The following C10orf67 variants were observed in gnomAD, a reference collection of about 807,000 sequenced individuals.
C10orf67 encodes chromosome 10 open reading frame 67.
C10orf67 carries 60 observed loss-of-function variants against 35.6 expected under a neutral mutation model. The ratio of observed to expected loss-of-function variants is 1.68; its 90% CI spans 1.37 to 2.09. The LOEUF (loss-of-function observed/expected upper bound fraction) is 2.09, where lower values mean the gene tolerates loss of function less well. C10orf67 is among the 30% of genes most tolerant of loss of function. The probability of loss-of-function intolerance (pLI) is 0.00; values close to 1 mark genes in which losing one functional copy is unlikely to be tolerated. For synonymous variants in C10orf67, 167 were observed against 115.8 expected (o/e 1.44, Z -2.84); for missense variants, 474 against 330.2 (o/e 1.44, Z -3.38).
chr10:23,329,014 GAAAGAAAGAAAGAAAAAAAGA>G, intron 2 of C10orf67, among the ~76,000 whole-genome samples: 1 of 111,960 alleles, frequency 8.9e-6, no homozygotes, highest in Admixed American at 9.0e-5. Flanking sequence ...AAAAAAAAAA[GAAAGAAAGAAAGAAAAAAAGA>G]AAAGAAAGAA....
chr10:23,217,527 G>A (rs1422311597), intron 15 of C10orf67, among the ~76,000 whole-genome samples: 1 of 152,066 alleles, frequency 6.6e-6, no homozygotes, highest in Non-Finnish European at 1.5e-5. Flanking sequence ...TACCATAATG[G>A]CTTATGTGGT....
intron 12 of C10orf67, among the ~76,000 whole-genome samples, chr10:23,241,733 A>C (rs547402915): frequency 6.6e-6 from 1 of 152,316 alleles, no homozygotes; most frequent in South Asian, 2.1e-4. Flanking sequence ...GAAATAATAC[A>C]TGGAAAGATA....
At chr10:23,229,805 T>C (rs1317408743) in intron 13 of C10orf67, among the ~76,000 whole-genome samples, 1 of 152,134 alleles carries the variant, frequency 6.6e-6, no homozygotes, top group Admixed American at 6.6e-5. Context: ...AAGACTTCTA[T>C]AGAGTTATAA....
rs775469738 is a variant in C10orf67, at chr10:23,291,286, G to C, written c.703-7C>G. 7.0e-6 allele frequency: 5 copies of C among 713,626 alleles called. No individual in the cohort carries two copies. Among genetic ancestry groups the C allele is most frequent in the Admixed American group, 2.0e-5 (1 of 49,488 alleles). 44.2% of individuals were successfully genotyped at this position (713,626 alleles called of 1,614,324 possible). A position where few individuals can be genotyped will look rare whatever the true frequency, so the allele number is the denominator to read the frequency against. On this transcript the variant is annotated splice_polypyrimidine_tract_variant and splice_region_variant and intron_variant, in intron 5 of 15. Transcript: ENST00000636213. ...TTTCTTTGGCAAAAGATTCCTAAAAGATGGAGAATGCCATATTCCTAAGCA... is the reference window on the plus strand; with the variant it reads ...TTTCTTTGGCAAAAGATTCCTAAAACATGGAGAATGCCATATTCCTAAGCA...
intron 1 of C10orf67, among the ~76,000 whole-genome samples, chr10:23,340,386 G>A (rs1230723805): frequency 1.3e-5 from 2 of 151,372 alleles, no homozygotes; most frequent in African/African-American, 2.4e-5. Context: ...TGGGCCTGGT[G>A]GCACACACCG....
chr10:23,222,906 C>G, intron 15 of C10orf67, among the ~76,000 whole-genome samples: 1 of 152,056 alleles, frequency 6.6e-6, no homozygotes, highest in East Asian at 1.9e-4. Context: ...ACTCAAGCAT[C>G]CCAAAGTGCT....
chr10:23,343,961 G>GGC, intron 1 of C10orf67: 1 of 465,418 alleles, frequency 2.1e-6, no homozygotes, highest in Non-Finnish European at 4.4e-6. Flanking sequence ...ATGATCTTCC[G>GGC]GCCCTCCTCT....
rs541561413 is a variant in C10orf67 at position 23,298,389 on chromosome 10, G to A, written c.702+4915C>T. The stretch of plus-strand genomic sequence containing the variant: ...TGTGAGGACTCCTAGAGCTATTCCT[G>A]TTTTTTCTGTGACATATAAAGAAAA... On this transcript the variant is annotated intron_variant, in intron 5 of 15. Coordinates refer to ENST00000636213, the MANE Select transcript of C10orf67 (RefSeq NM_001371909.1). Among the ~76,000 whole-genome samples, 706 of 152,246 alleles carry A rather than the reference G, an allele frequency of 4.6e-3. 5 individuals are homozygous for A. Among genetic ancestry groups the A allele is most frequent in the African/African-American group, 0.016 (677 of 41,554 alleles).
intron 1 of C10orf67, 145 bp downstream of exon 1, chr10:23,344,424 G>T: frequency 2.4e-6 from 2 of 816,730 alleles, no homozygotes; most frequent in South Asian, 3.4e-5. Context: ...CTGCCTCAAG[G>T]CTTCCCCACA....
At chr10:23,325,957 G>GA (rs890032892) in intron 2 of C10orf67, among the ~76,000 whole-genome samples, 5 of 151,980 alleles carry the variant, frequency 3.3e-5, no homozygotes, top group African/African-American at 9.6e-5. Context: ...AAAGATGGCA[G>GA]AAAAAAACTG....
chr10:23,302,728 G>A (rs1182126928), intron 5 of C10orf67, among the ~76,000 whole-genome samples: 1 of 152,136 alleles, frequency 6.6e-6, no homozygotes, highest in African/African-American at 2.4e-5. Flanking sequence ...CTCCTTGACA[G>A]GAGTTTAGGT....
rs146909088 is a variant in C10orf67, at chr10:23,254,769, A to G, written c.1201-4078T>C. ...ATGTTTATTAACTGCCGTAAGATTA[A>G]CTACATTCCTTATCATACCCTCACA... On this transcript the variant is annotated intron_variant, in intron 10 of 15. Coordinates refer to ENST00000636213, the MANE Select transcript of C10orf67 (RefSeq NM_001371909.1). Among the ~76,000 whole-genome samples the G allele has an allele frequency of 5.4e-3, 818 of 152,246 alleles. 8 individuals are homozygous for G. The highest frequency in any genetic ancestry group is 0.019 in the African/African-American group (780 of 41,558).
intron 4 of C10orf67, among the ~76,000 whole-genome samples, chr10:23,306,530 G>GAAAAAAAAAAAA (rs61468201): frequency 5.3e-5 from 3 of 56,316 alleles, no homozygotes; most frequent in Non-Finnish European, 3.9e-5. Context: ...CTCCATCTCA[G>GAAAAAAAAAAAA]AAAAAAAAAA....
chr10:23,239,660 C>T (rs146338373), intron 13 of C10orf67, 69 bp downstream of exon 13: 8,840 of 595,044 alleles, frequency 0.015, 129 homozygotes, highest in Middle Eastern at 0.047. Context: ...AAACCTTAAA[C>T]GAGAACAGAA....
Position 23,250,650 on chromosome 10 carries a change from T to C in C10orf67, c.1242A>G (p.Leu414=), listed in dbSNP as rs1329236539. The change falls in exon 11 of 16, where the codon TTA becomes TTG. Residue 414 remains leucine (L), a synonymous_variant. Transcript: ENST00000636213. ...TTTTCTCATTCTCTAAATTTGCCTT[T>C]AATGCTTCTATTTGAGACTCCAAAC... The part of the protein sequence containing the change: ...KHGLESQIEA[L]KANLENEKKK... The C allele has an allele frequency of 7.5e-6, 3 of 398,574 alleles. No individual in the cohort carries two copies. Among genetic ancestry groups the C allele is most frequent in the Non-Finnish European group, 1.3e-5 (3 of 225,880 alleles). 24.7% of individuals were successfully genotyped at this position (398,574 alleles called of 1,614,324 possible).
At chr10:23,205,874 TA>T (rs1841145183) in intron 15 of C10orf67, among the ~76,000 whole-genome samples, 1 of 152,082 alleles carries the variant, frequency 6.6e-6, no homozygotes, top group African/African-American at 2.4e-5. Context: ...GTCTCCTAAA[TA>T]ATAAAAAAAG....
intron 4 of C10orf67, among the ~76,000 whole-genome samples, chr10:23,319,236 C>T (rs6415968): frequency 0.57 from 85,975 of 151,970 alleles, 25,650 homozygotes; most frequent in East Asian, 0.88. Flanking sequence ...AGCTCCCACT[C>T]ATAAGTAAGA....
chr10:23,287,945 C>T (rs930564434), intron 7 of C10orf67, among the ~76,000 whole-genome samples: 2 of 152,048 alleles, frequency 1.3e-5, no homozygotes, highest in Admixed American at 6.5e-5. Flanking sequence ...GTCAGAATGG[C>T]GATTATTAAA....
At chr10:23,230,488 T>A (rs12263694) in intron 13 of C10orf67, among the ~76,000 whole-genome samples, 4,685 of 152,156 alleles carry the variant, frequency 0.031, 231 homozygotes, top group African/African-American at 0.11. Flanking sequence ...AGAACATTTA[T>A]TTATTACAAA....
Sources: gnomAD v4.1 joint callset for allele counts (sites outside exome capture counted in the v4.1 genomes callset) on GRCh38, gnomAD v4.1.1 for gene constraint, MANE v1.5 for transcripts, NCBI Gene and HGNC (gene_info 2026-07-23, HGNC 2026-07-21) for gene names.